ADGRL3: variants seen among roughly 807,000 people sequenced by gnomAD.
ADGRL3 encodes calcium-independent alpha-latrotoxin receptor 3.
Under a neutral mutation model 153.5 loss-of-function variants are expected in ADGRL3, and 62 were observed. The ratio of observed to expected loss-of-function variants is 0.40; its 90% CI spans 0.33 to 0.50. The LOEUF (loss-of-function observed/expected upper bound fraction) is 0.50, where lower values mean the gene tolerates loss of function less well. Among genes scored for constraint, ADGRL3 ranks in the 20% least tolerant of loss-of-function variants. The probability of loss-of-function intolerance (pLI) is 0.47; values close to 1 mark genes in which losing one functional copy is unlikely to be tolerated. For synonymous variants in ADGRL3, 710 were observed against 672.5 expected, an observed-to-expected ratio of 1.06 and a Z score of -0.86; for missense variants, 1,641 against 1,859.4, an observed-to-expected ratio of 0.88 and a Z score of 2.16.
At chr4:61,703,747 A>C (rs2095807975) in intron 6 of ADGRL3, among the ~76,000 whole-genome samples, 1 of 152,160 alleles carries the variant, frequency 6.6e-6, no homozygotes, top group Admixed American at 6.5e-5. Context: ...AAAAAAGACC[A>C]AACTGTGTCA....
At chr4:61,369,049 G>T (rs1010946214) in intron 1 of ADGRL3, among the ~76,000 whole-genome samples, 1 of 152,096 alleles carries the variant, frequency 6.6e-6, no homozygotes, top group African/African-American at 2.4e-5. Flanking sequence ...TTGGTGTATA[G>T]GAATGCTTGT....
At chr4:61,748,717 G>C (rs1400788065) in intron 8 of ADGRL3, among the ~76,000 whole-genome samples, 2 of 152,110 alleles carry the variant, frequency 1.3e-5, no homozygotes, top group Admixed American at 1.3e-4. Flanking sequence ...ATTCAAGGTG[G>C]ATTAAAGACT....
chr4:61,476,348 C>G (rs185120840), intron 2 of ADGRL3, among the ~76,000 whole-genome samples: 17 of 152,048 alleles, frequency 1.1e-4, no homozygotes, highest in Admixed American at 7.2e-4. Flanking sequence ...ATGCCTCAGC[C>G]CCCAGGTAGC....
intron 2 of ADGRL3, among the ~76,000 whole-genome samples, chr4:61,392,684 CAA>C (rs397993633): frequency 0.037 from 497 of 13,352 alleles, 13 homozygotes; most frequent in African/African-American, 0.079. Context: ...GACTCCATCT[CAA>C]AAAAAAAAAA....
chr4:61,975,594 T>C (rs1221023852), intron 17 of ADGRL3, among the ~76,000 whole-genome samples: 1 of 152,096 alleles, frequency 6.6e-6, no homozygotes, highest in Non-Finnish European at 1.5e-5. Flanking sequence ...GTGACTTATA[T>C]ATAAAAAGAA....
chr4:61,310,065 G>A (rs1054401052), intron 1 of ADGRL3, among the ~76,000 whole-genome samples: 40 of 150,862 alleles, frequency 2.7e-4, no homozygotes, highest in African/African-American at 8.8e-4. Flanking sequence ...TACTATTAAA[G>A]GGTCTTCTGC....
At chr4:61,283,351 T>C (rs2093798954) in intron 1 of ADGRL3, among the ~76,000 whole-genome samples, 1 of 152,120 alleles carries the variant, frequency 6.6e-6, no homozygotes, top group African/African-American at 2.4e-5. Flanking sequence ...CCCACAAAAA[T>C]TGATCCCTAA....
chr4:61,616,603 A>G (rs1488728551), intron 5 of ADGRL3, among the ~76,000 whole-genome samples: 2 of 152,126 alleles, frequency 1.3e-5, no homozygotes, highest in African/African-American at 2.4e-5. Flanking sequence ...TCTCTATCCA[A>G]CTATTGACTA....
rs182039627 is a variant in ADGRL3, at chr4:61,757,079, C to A, written c.1399+23525C>A. 1.8e-4 allele frequency among the ~76,000 whole-genome samples: 27 copies of A among 152,218 alleles called. No individual in the cohort carries two copies. In the East Asian group the frequency reaches 4.8e-3, roughly 27 times the overall value. ...TCATCAGAGATATTGGTCTAAAATT[C>A]TCTTTTTTGGTTGTGTCTCTGCCCG... On this transcript the variant is annotated intron_variant, in intron 8 of 26. Transcript: ENST00000683033.
chr4:61,579,757 T>C, intron 4 of ADGRL3: 1 of 299,412 alleles, frequency 3.3e-6, no homozygotes, highest in Non-Finnish European at 6.6e-6. Flanking sequence ...TCTTTGGTTA[T>C]TCTTTTTTAA....
intron 9 of ADGRL3, among the ~76,000 whole-genome samples, chr4:61,844,563 AAAAAAAAAAAAAATATATAT>A (rs1451574704): frequency 2.0e-4 from 11 of 56,096 alleles, no homozygotes; most frequent in Admixed American, 6.4e-4. Context: ...AAAAAAAAAA[AAAAAAAAAAAAAATATATAT>A]ATATATATAT....
chr4:61,824,386 T>G (rs1218505468), intron 9 of ADGRL3, among the ~76,000 whole-genome samples: 3 of 152,226 alleles, frequency 2.0e-5, no homozygotes, highest in Non-Finnish European at 4.4e-5. Flanking sequence ...TAATGATGTA[T>G]TACAAATTGT....
At chr4:61,365,579 G>A (rs73216338) in intron 1 of ADGRL3, among the ~76,000 whole-genome samples, 3 of 152,222 alleles carry the variant, frequency 2.0e-5, no homozygotes, top group Non-Finnish European at 4.4e-5. Flanking sequence ...CTCATCTTCA[G>A]TATCTGCTGA....
intron 25 of ADGRL3, among the ~76,000 whole-genome samples, chr4:62,062,933 T>C (rs1264593649): frequency 6.6e-6 from 1 of 152,118 alleles, no homozygotes; most frequent in African/African-American, 2.4e-5. Context: ...TATTTTATTT[T>C]ATTTCATCTT....
chr4:61,222,810 T>C (rs1746274656), intron 1 of ADGRL3, among the ~76,000 whole-genome samples: 1 of 152,208 alleles, frequency 6.6e-6, no homozygotes, highest in Non-Finnish European at 1.5e-5. Flanking sequence ...ATAATAAAGT[T>C]TGAAATTTAA....
At chr4:61,746,772 A>T (rs2096667889) in intron 8 of ADGRL3, among the ~76,000 whole-genome samples, 1 of 152,196 alleles carries the variant, frequency 6.6e-6, no homozygotes, top group African/African-American at 2.4e-5. Context: ...TCCAAAATTG[A>T]CACCCTAACA....
chr4:61,764,819 G>A (rs7681767), intron 8 of ADGRL3, among the ~76,000 whole-genome samples: 67,126 of 151,246 alleles, frequency 0.44, 15,258 homozygotes, highest in East Asian at 0.64. Flanking sequence ...TGCTTCAAGC[G>A]GGATTAGGGG....
At chr4:61,619,156 T>A (rs2092305151) in intron 5 of ADGRL3, among the ~76,000 whole-genome samples, 1 of 152,148 alleles carries the variant, frequency 6.6e-6, no homozygotes, top group Admixed American at 6.6e-5. Flanking sequence ...AGCTGCAAAT[T>A]CACATTGAAA....
At chr4:61,305,280 T>G (rs902865621) in intron 1 of ADGRL3, among the ~76,000 whole-genome samples, 1 of 152,182 alleles carries the variant, frequency 6.6e-6, no homozygotes, top group Non-Finnish European at 1.5e-5. Flanking sequence ...CAGTCTAGAT[T>G]GAGGCTTCTC....
Sources: allele counts gnomAD v4.1 joint callset (sites outside exome capture counted in the v4.1 genomes callset), GRCh38; gene constraint gnomAD v4.1.1; transcripts MANE v1.5; gene names NCBI Gene and HGNC (gene_info 2026-07-23, HGNC 2026-07-21).